Variants in TUSC3 observed in about 807,000 individuals in gnomAD.
TUSC3 encodes the protein dolichyl-diphosphooligosaccharide--protein glycosyltransferase subunit TUSC3.
In TUSC3, 45 loss-of-function variants were observed where a neutral mutation model predicts 44.8. The ratio of observed to expected loss-of-function variants is 1.00; its 90% CI spans 0.79 to 1.29. The LOEUF (loss-of-function observed/expected upper bound fraction) is 1.29, where lower values mean the gene tolerates loss of function less well. TUSC3 is among the 50% of genes most tolerant of loss of function. The pLI, the probability that TUSC3 is intolerant of heterozygous loss-of-function variation, is 0.00. For synonymous variants in TUSC3, 212 were observed against 152.9 expected (o/e 1.39, Z -2.85); for missense variants, 519 against 437.9 (o/e 1.19, Z -1.65).
intron 1 of TUSC3, among the ~76,000 whole-genome samples, chr8:15,551,975 T>C (rs1340272448): frequency 6.6e-6 from 1 of 151,722 alleles, no homozygotes; most frequent in East Asian, 1.9e-4. Context: ...GTTTTACCGA[T>C]TTCTTAGTAA....
the TUSC3 span, among the ~76,000 whole-genome samples, chr8:15,782,966 C>G: frequency 6.6e-6 from 1 of 151,940 alleles, no homozygotes; most frequent in East Asian, 1.9e-4. Context: ...AAAAAAAATA[C>G]TAAAGACTCC....
chr8:15,576,537 C>G (rs1477446491), intron 1 of TUSC3, among the ~76,000 whole-genome samples: 1 of 145,560 alleles, frequency 6.9e-6, no homozygotes, highest in Non-Finnish European at 1.5e-5. Flanking sequence ...GTTCAGTCCC[C>G]ACCTATGAGT....
chr8:15,592,279 T>C (rs768165228), intron 1 of TUSC3, among the ~76,000 whole-genome samples: 7 of 152,216 alleles, frequency 4.6e-5, no homozygotes, highest in African/African-American at 7.2e-5. Flanking sequence ...AGGCAGACAA[T>C]TGCATACTAT....
intron 6 of TUSC3, among the ~76,000 whole-genome samples, chr8:15,723,607 G>A (rs1355478961): frequency 6.6e-6 from 1 of 151,720 alleles, no homozygotes; most frequent in Non-Finnish European, 1.5e-5. Flanking sequence ...TTGGTGTAGA[G>A]CCTAGTAAGA....
chr8:15,838,695 T>C, the TUSC3 span, among the ~76,000 whole-genome samples: 1 of 152,162 alleles, frequency 6.6e-6, no homozygotes, highest in African/African-American at 2.4e-5. Context: ...CTGAGGGCCC[T>C]GTTCTGTTCC....
In TUSC3 at chr8:15,719,089, C is replaced by T. The variant is rs557972829; in HGVS notation, c.799-11577C>T. 2.0e-5 allele frequency among the ~76,000 whole-genome samples: 3 copies of T among 152,188 alleles called. No homozygotes were observed. In the East Asian group the frequency reaches 5.8e-4, roughly 29 times the overall value. On this transcript the variant is annotated intron_variant, in intron 6 of 10. Transcript: ENST00000503731. Reference sequence around the variant, plus strand: ...ATTACTGTAGTAAACTTTCCCTGGTCTCCTTGCTTCTATGCTTGCTTCGTT... The same window carrying T: ...ATTACTGTAGTAAACTTTCCCTGGTTTCCTTGCTTCTATGCTTGCTTCGTT...
intron 2 of TUSC3, among the ~76,000 whole-genome samples, chr8:15,533,134 T>C (rs1801473336): frequency 1.3e-5 from 2 of 152,182 alleles, no homozygotes; most frequent in Admixed American, 6.5e-5. Context: ...GTACCAGTTC[T>C]CTTTCTTTAC....
chr8:15,471,905 G>A (rs528790597), intron 1 of TUSC3, among the ~76,000 whole-genome samples: 33 of 152,066 alleles, frequency 2.2e-4, no homozygotes, highest in Non-Finnish European at 4.4e-4. Flanking sequence ...GGCATGAGCT[G>A]CCACACCTGG....
chr8:15,710,951 C>T (rs958531192), intron 6 of TUSC3, among the ~76,000 whole-genome samples: 2 of 151,022 alleles, frequency 1.3e-5, no homozygotes, highest in Non-Finnish European at 3.0e-5. Context: ...CAGAATTTCA[C>T]TTAACTTTGC....
At chr8:15,448,796 AC>A (rs1484832118) in intron 1 of TUSC3, among the ~76,000 whole-genome samples, 1 of 152,212 alleles carries the variant, frequency 6.6e-6, no homozygotes, top group Non-Finnish European at 1.5e-5. Context: ...GGTATGGGAC[AC>A]AGCTTTCCAT....
intron 6 of TUSC3, among the ~76,000 whole-genome samples, chr8:15,706,853 C>G (rs188700204): frequency 2.1e-4 from 32 of 151,930 alleles, no homozygotes; most frequent in African/African-American, 7.7e-4. Flanking sequence ...CAACTTTATT[C>G]TTTTACTATT....
chr8:15,482,244 CT>C (rs1800672624), intron 1 of TUSC3, among the ~76,000 whole-genome samples: 1 of 152,218 alleles, frequency 6.6e-6, no homozygotes, highest in Non-Finnish European at 1.5e-5. Context: ...TCCAGTTAAA[CT>C]TCCTCCACTG....
At chr8:15,730,118 T>A (rs1810657445) in intron 6 of TUSC3, among the ~76,000 whole-genome samples, 1 of 152,144 alleles carries the variant, frequency 6.6e-6, no homozygotes, top group Non-Finnish European at 1.5e-5. Flanking sequence ...GATGGAGATT[T>A]GTGTTGGATT....
chr8:15,585,335 C>T (rs1273737850), intron 1 of TUSC3, among the ~76,000 whole-genome samples: 1 of 152,150 alleles, frequency 6.6e-6, no homozygotes, highest in Non-Finnish European at 1.5e-5. Flanking sequence ...CACCAATGCA[C>T]CACAATGTAG....
intron 1 of TUSC3, among the ~76,000 whole-genome samples, chr8:15,448,117 A>ATATACATATATATATATATT (rs1276079521): frequency 1.8e-4 from 17 of 93,754 alleles, no homozygotes; most frequent in African/African-American, 6.7e-4. Flanking sequence ...ACATATATAT[A>ATATACATATATATATATATT]TATTTATTTA....
intron 8 of TUSC3, 117 bp downstream of exon 8, chr8:15,743,729 TGAA>T (rs1164134112): frequency 4.3e-6 from 5 of 1,167,160 alleles, no homozygotes; most frequent in East Asian, 2.4e-5. Context: ...TGTTCTGGTT[TGAA>T]GAAGATTTTA....
rs940406664 is a variant in TUSC3, at chr8:15,735,979, T to C, written c.862+5250T>C. Among the ~76,000 whole-genome samples, 12 of 152,134 alleles carry C rather than the reference T, an allele frequency of 7.9e-5. No homozygotes were observed. In the East Asian group the frequency reaches 9.7e-4, roughly 12 times the overall value. On this transcript the variant is annotated intron_variant, in intron 7 of 10. Transcript: ENST00000503731. ...TCCTGACCTCGTGATCCGCCCACCTTGGCCTCCCAAAGTGCTGGGATTACA... is the reference window on the plus strand; with the variant it reads ...TCCTGACCTCGTGATCCGCCCACCTCGGCCTCCCAAAGTGCTGGGATTACA...
At chr8:15,498,099 A>G (rs1302821080) in intron 2 of TUSC3, among the ~76,000 whole-genome samples, 1 of 152,178 alleles carries the variant, frequency 6.6e-6, no homozygotes, top group African/African-American at 2.4e-5. Context: ...TTGTATGCTG[A>G]TGATGACCTA....
intron 6 of TUSC3, among the ~76,000 whole-genome samples, chr8:15,677,503 G>A (rs1221711159): frequency 6.6e-6 from 1 of 152,150 alleles, no homozygotes; most frequent in African/African-American, 2.4e-5. Flanking sequence ...CTCTTACCAG[G>A]TCTGTCTTTT....
Sources: allele counts gnomAD v4.1 joint callset (sites outside exome capture counted in the v4.1 genomes callset), GRCh38; gene constraint gnomAD v4.1.1; transcripts MANE v1.5; gene names NCBI Gene and HGNC (gene_info 2026-07-23, HGNC 2026-07-21).